LMBRD2: variants seen among roughly 807,000 people sequenced by gnomAD.
LMBRD2 encodes G protein-coupled receptor-associated protein LMBRD2.
In LMBRD2, 55 loss-of-function variants were observed where a neutral mutation model predicts 94.4. The observed-to-expected ratio is 0.58, with a 90% CI of 0.47 to 0.73. LMBRD2 has a LOEUF of 0.73. Among genes scored for constraint, LMBRD2 ranks in the 30% least tolerant of loss-of-function variants. The pLI, the probability that LMBRD2 is intolerant of heterozygous loss-of-function variation, is 0.00. For synonymous variants in LMBRD2, 246 were observed against 272.4 expected (o/e 0.90, Z 0.95); for missense variants, 640 against 831.9 (o/e 0.77, Z 2.84).
intron 9 of LMBRD2, among the ~76,000 whole-genome samples, chr5:36,120,067 CTT>C (rs1166616874): frequency 9.9e-5 from 14 of 140,872 alleles, no homozygotes; most frequent in Admixed American, 7.1e-5. Context: ...CTCTTTATTT[CTT>C]TTTTTTTTTT....
intron 4 of LMBRD2, among the ~76,000 whole-genome samples, chr5:36,140,843 T>C (rs1744392145): frequency 6.6e-6 from 1 of 152,356 alleles, no homozygotes; most frequent in Non-Finnish European, 1.5e-5. Flanking sequence ...GACATGACTT[T>C]ACAAAAGCAC....
intron 17 of LMBRD2, 32 bp from the exon 18 acceptor site, chr5:36,104,138 G>A: frequency 6.5e-7 from 1 of 1,538,916 alleles, no homozygotes; most frequent in East Asian, 2.3e-5. Context: ...ATGATCTGAG[G>A]CATCAAAAAT....
At chr5:36,145,128 G>A (rs1041131685) in intron 1 of LMBRD2, among the ~76,000 whole-genome samples, 3 of 152,064 alleles carry the variant, frequency 2.0e-5, no homozygotes, top group Admixed American at 6.5e-5. Context: ...CTATATTCCA[G>A]TTGTCTGATG....
At chr5:36,144,639 G>A (rs1485107553) in intron 1 of LMBRD2, among the ~76,000 whole-genome samples, 9 of 152,094 alleles carry the variant, frequency 5.9e-5, no homozygotes, top group Admixed American at 2.6e-4. Flanking sequence ...AGCCGATATC[G>A]TGCCATTACA....
rs1743328133 is a variant in LMBRD2 at position 36,100,628 on chromosome 5, C to CA, written c.*3417dup. 1 of 152,056 alleles carries CA rather than the reference C, an allele frequency of 6.6e-6. No homozygotes were observed. Among genetic ancestry groups the CA allele is most frequent in the African/African-American group, 2.4e-5 (1 of 41,422 alleles). The allele number at this position is 152,056 out of a possible 1,614,324, so 9.4% of individuals were successfully genotyped here. On this transcript the variant is annotated 3_prime_UTR_variant, in exon 18 of 18. Coordinates refer to ENST00000296603, the MANE Select transcript of LMBRD2 (RefSeq NM_001007527.2). ...TTAACATTTAGAATTCAATACAATC[C>CA]ATTACATTTGATGATTCAAGTACGC...
In LMBRD2 at chr5:36,099,700, G is replaced by A. The variant is rs1743307930; in HGVS notation, c.*4346C>T. 1 of 152,002 alleles carries A rather than the reference G, an allele frequency of 6.6e-6. No individual in the cohort carries two copies. Among genetic ancestry groups the A allele is most frequent in the Non-Finnish European group, 1.5e-5 (1 of 67,990 alleles). The allele number at this position is 152,002 out of a possible 1,614,324, so 9.4% of individuals were successfully genotyped here. A position where few individuals can be genotyped will look rare whatever the true frequency, so the allele number is the denominator to read the frequency against. On this transcript the variant is annotated 3_prime_UTR_variant, in exon 18 of 18. Coordinates refer to ENST00000296603, the MANE Select transcript of LMBRD2 (RefSeq NM_001007527.2). ...AAAATTCTTTCACAAAATAATCTGAGATCAAGATAACCAAAAAAGGAAATA... is the reference window on the plus strand; with the variant it reads ...AAAATTCTTTCACAAAATAATCTGAAATCAAGATAACCAAAAAAGGAAATA...
chr5:36,146,890 ATATC>A (rs758298487), intron 1 of LMBRD2, among the ~76,000 whole-genome samples: 30 of 152,038 alleles, frequency 2.0e-4, no homozygotes, highest in African/African-American at 5.3e-4. Context: ...ACAAATTAAC[ATATC>A]TATCTCCTCA....
chr5:36,140,891 G>T, intron 4 of LMBRD2: 1 of 359,162 alleles, frequency 2.8e-6, no homozygotes. Context: ...AATGTTCAGT[G>T]CCTCCAGTTT....
In LMBRD2 at chr5:36,147,800, G is replaced by C. The variant is rs1744585302; in HGVS notation, c.-58+3756C>G. On this transcript the variant is annotated intron_variant, in intron 1 of 17. Transcript: ENST00000296603. ...GAAGAATTCCAAATGTTTTGAGAGA[G>C]AGAGAGAGAGAATGGGTACCAAGTG... is the stretch of plus-strand genomic sequence containing the variant. 4.4e-5 allele frequency: 15 copies of C among 343,132 alleles called. 1 individual carries two copies. The highest frequency in any genetic ancestry group is 3.1e-4 in the South Asian group (15 of 48,050). The allele number at this position is 343,132 out of a possible 1,614,324, so 21.3% of individuals were successfully genotyped here. A position where few individuals can be genotyped will look rare whatever the true frequency, so the allele number is the denominator to read the frequency against.
intron 6 of LMBRD2, among the ~76,000 whole-genome samples, chr5:36,127,801 T>G (rs1228583721): frequency 6.6e-6 from 1 of 152,206 alleles, no homozygotes; most frequent in African/African-American, 2.4e-5. Flanking sequence ...ATGGCATCTC[T>G]GGACACACCC....
At position 36,103,648 on chromosome 5, in the gene LMBRD2, G is replaced by A. The variant is rs1743396767; in HGVS notation, c.*398C>T. On this transcript the variant is annotated 3_prime_UTR_variant, in exon 18 of 18. Transcript: ENST00000296603. ...TATACTTTTTAGAAGTAACAAAAAT[G>A]TAAGTCACAATAACAAAACTGTATA... 7.9e-5 allele frequency: 12 copies of A among 152,780 alleles called. No individual in the cohort carries two copies. The Admixed American group carries it at 7.9e-4, about 10-fold the overall frequency. The allele number at this position is 152,780 out of a possible 1,614,324, so 9.5% of individuals were successfully genotyped here.
In LMBRD2 at chr5:36,111,194, A is replaced by C. The variant is rs999235967; in HGVS notation, c.1705T>G (p.Ser569Ala). 5.0e-6 allele frequency: 8 copies of C among 1,611,378 alleles called. No individual in the cohort carries two copies. Among genetic ancestry groups the C allele is most frequent in the African/African-American group, 1.3e-5 (1 of 74,810 alleles). The stretch of plus-strand genomic sequence containing the variant: ...TCTTTTCCTTCATTAACTAAGTCTG[A>C]TGTCATATCATCATCTCCCATAAAC... ...QQFMGDDDMT[S>A]DLVNEGKELI... Residue 569 changes from serine (S) to alanine (A), a missense_variant, in exon 14 of 18, where the codon TCA becomes GCA. Around this residue, in one of 2 missense-constraint regions of LMBRD2, gnomAD observed 183 missense variants for 189.1 expected, o/e 0.97. Transcript: ENST00000296603.
At chr5:36,117,100 C>G (rs1295196815) in intron 10 of LMBRD2, among the ~76,000 whole-genome samples, 1 of 152,026 alleles carries the variant, frequency 6.6e-6, no homozygotes. Context: ...CATCCTAGAT[C>G]CAAAAGTTTC....
chr5:36,140,990 G>T, intron 4 of LMBRD2, 117 bp downstream of exon 4: 1 of 594,004 alleles, frequency 1.7e-6, no homozygotes. Context: ...TAAAAATAAT[G>T]GGTAGAAAGA....
chr5:36,131,827 A>G (rs936107408), intron 6 of LMBRD2, among the ~76,000 whole-genome samples: 1 of 152,160 alleles, frequency 6.6e-6, no homozygotes, highest in African/African-American at 2.4e-5. Flanking sequence ...AGGACACAAA[A>G]AATAAAAAGG....
At chr5:36,142,067 T>C (rs529121598) in intron 3 of LMBRD2, among the ~76,000 whole-genome samples, 1 of 152,346 alleles carries the variant, frequency 6.6e-6, no homozygotes, top group South Asian at 2.1e-4. Flanking sequence ...TATGTAAATC[T>C]ATAATGCTTT....
chr5:36,146,923 T>TGTGA (rs143234587), intron 1 of LMBRD2, among the ~76,000 whole-genome samples: 42,726 of 127,624 alleles, frequency 0.33, 7,430 homozygotes, highest in Non-Finnish European at 0.39. Context: ...TCTCTCTGCG[T>TGTGA]GTGTGTGTGT....
chr5:36,128,505 A>T (rs1292400056), intron 6 of LMBRD2, among the ~76,000 whole-genome samples: 1 of 152,120 alleles, frequency 6.6e-6, no homozygotes, highest in African/African-American at 2.4e-5. Context: ...GAGGTCACTT[A>T]AGCTCAGGAG....
chr5:36,116,457 T>C lies in LMBRD2; in HGVS notation c.1436+3A>G. 1.2e-6 allele frequency: 2 copies of C among 1,611,880 alleles called. No homozygotes were observed. Among genetic ancestry groups the C allele is most frequent in the African/African-American group, 2.7e-5 (2 of 74,934 alleles). On this transcript the variant is annotated splice_donor_region_variant and intron_variant, in intron 11 of 17. Transcript: ENST00000296603. ...TCTTGTTTCTAAACATAATCCTACT[T>C]ACATGCCACTGAAAAGAAGGCTATA...
Sources: gnomAD v4.1 joint callset for allele counts (sites outside exome capture counted in the v4.1 genomes callset) on GRCh38, gnomAD v4.1.1 for gene constraint, gnomAD v4.1.1 regional missense constraint, MANE v1.5 for transcripts, NCBI Gene and HGNC (gene_info 2026-07-23, HGNC 2026-07-21) for gene names.